PTPN13: variants seen among roughly 807,000 people sequenced by gnomAD.
PTPN13 encodes protein tyrosine phosphatase non-receptor type 13.
PTPN13 carries 191 observed loss-of-function variants against 284.0 expected under a neutral mutation model. The observed-to-expected ratio is 0.67, with a 90% CI of 0.60 to 0.76. The LOEUF (loss-of-function observed/expected upper bound fraction) is 0.76, where lower values mean the gene tolerates loss of function less well. PTPN13 is among the 30% of genes least tolerant of loss of function. The probability of loss-of-function intolerance (pLI) is 0.00; values close to 1 mark genes in which losing one functional copy is unlikely to be tolerated. For synonymous variants in PTPN13, 986 were observed against 1,022.3 expected (o/e 0.96, Z 0.68); for missense variants, 2,797 against 2,939.9 (o/e 0.95, Z 1.12).
chr4:86,765,298 A>G lies in PTPN13; in HGVS notation c.4150-97A>G, dbSNP rs368694639. 1.0e-4 allele frequency: 83 copies of G among 810,518 alleles called. No homozygotes were observed. The Middle Eastern group carries it at 1.1e-3, about 11-fold the overall frequency. The allele number at this position is 810,518 out of a possible 1,614,324, so 50.2% of individuals were successfully genotyped here. ...CATCAGCACATGCTGATGGGATGTC[A>G]CTGCTTTGGCTAATGAATCCTTTCT... On this transcript the variant is annotated intron_variant, in intron 25 of 47. Coordinates refer to ENST00000411767, the MANE Select transcript of PTPN13 (RefSeq NM_080683.3).
rs929570257 is a variant in PTPN13 at position 86,774,312 on chromosome 4, T to C, written c.5350-61T>C. 112 of 1,452,880 alleles carry C rather than the reference T, an allele frequency of 7.7e-5. 1 individual carries two copies. Among genetic ancestry groups the C allele is most frequent in the South Asian group, 1.2e-4 (9 of 75,864 alleles). 90.0% of individuals were successfully genotyped at this position (1,452,880 alleles called of 1,614,324 possible). A position where few individuals can be genotyped will look rare whatever the true frequency, so the allele number is the denominator to read the frequency against. On this transcript the variant is annotated intron_variant, in intron 32 of 47. Transcript: ENST00000411767. ...TCTGTTAAGGGAAATGATAGTCATC[T>C]TTCTGTTTGTCTATAGTGCAGAATA...
Position 86,769,935 on chromosome 4 carries a change from T to C in PTPN13, c.4656T>C (p.Asp1552=), listed in dbSNP as rs754504910. The C allele has an allele frequency of 6.2e-7, 1 of 1,613,940 alleles. No individual in the cohort carries two copies. Among genetic ancestry groups the C allele is most frequent in the Non-Finnish European group, 8.5e-7 (1 of 1,179,866 alleles). ...AAAGTGGAAAAATTGATGTAGGAGA[T>C]GTTATCTTGAAAGTGAATGGAGCCT... The part of the protein sequence containing the change: ...AAESGKIDVG[D]VILKVNGASL... Residue 1552 remains aspartate (D), a synonymous_variant, in exon 29 of 48, where the codon GAT becomes GAC. Coordinates refer to ENST00000411767, the MANE Select transcript of PTPN13 (RefSeq NM_080683.3).
At chr4:86,725,852 G>A (rs539279898) in intron 10 of PTPN13, among the ~76,000 whole-genome samples, 6 of 149,638 alleles carry the variant, frequency 4.0e-5, no homozygotes, top group South Asian at 2.1e-4. Context: ...TTTGGCTTTC[G>A]TTGCCATTGC....
At chr4:86,680,347 C>CCCTATCTA (rs1554306603) in intron 3 of PTPN13, among the ~76,000 whole-genome samples, 1 of 142,550 alleles carries the variant, frequency 7.0e-6, no homozygotes, top group Non-Finnish European at 1.5e-5. Context: ...TTCTATCTAT[C>CCCTATCTA]TCTATCTATC....
intron 1 of PTPN13, among the ~76,000 whole-genome samples, chr4:86,603,974 C>T (rs2149166578): frequency 6.6e-6 from 1 of 151,996 alleles, no homozygotes; most frequent in South Asian, 2.1e-4. Flanking sequence ...CAATATTTGA[C>T]CCACTATTGA....
At chr4:86,655,941 CT>C (rs775933237) in intron 2 of PTPN13, among the ~76,000 whole-genome samples, 22 of 152,138 alleles carry the variant, frequency 1.4e-4, no homozygotes, top group East Asian at 9.6e-4. Flanking sequence ...TTGTTAGTTT[CT>C]TTTTACTCTT....
chr4:86,595,527 T>C (rs575547121), intron 1 of PTPN13, among the ~76,000 whole-genome samples: 1 of 152,056 alleles, frequency 6.6e-6, no homozygotes, highest in Non-Finnish European at 1.5e-5. Context: ...GGGAGAAATA[T>C]CACTAAGAGA....
intron 2 of PTPN13, among the ~76,000 whole-genome samples, chr4:86,656,340 T>A (rs1725805600): frequency 6.6e-6 from 1 of 152,222 alleles, no homozygotes; most frequent in Admixed American, 6.5e-5. Flanking sequence ...ATTTTCAGCT[T>A]TTCTGCTTTG....
rs772032933 is a variant in PTPN13, at chr4:86,762,871, T to C, written c.3698T>C (p.Phe1233Ser). 6 of 1,613,906 alleles carry C rather than the reference T, an allele frequency of 3.7e-6. No individual in the cohort carries two copies. Among genetic ancestry groups the C allele is most frequent in the Non-Finnish European group, 5.1e-6 (6 of 1,179,854 alleles). ...CTGAGGCACATCTCGGAGAACTCCT[T>C]TGGGCCATCTGGGGGCCTGCGGGAA... ...GTLRHISENS[F>S]GPSGGLREGS... The change falls in exon 24 of 48, where the codon TTT becomes TCT. Residue 1233 changes from phenylalanine (F) to serine (S), a missense_variant. Transcript: ENST00000411767.
intron 45 of PTPN13, 91 bp from the exon 46 acceptor site, chr4:86,809,678 G>C (rs9991627): frequency 8.2e-7 from 1 of 1,219,244 alleles, no homozygotes. Flanking sequence ...ACAACAGAAC[G>C]AGACCCTATC....
At chr4:86,668,157 A>G (rs1727300991) in intron 2 of PTPN13, among the ~76,000 whole-genome samples, 1 of 152,178 alleles carries the variant, frequency 6.6e-6, no homozygotes, top group Non-Finnish European at 1.5e-5. Flanking sequence ...TACTGGAATC[A>G]ATTCATATCA....
At chr4:86,785,389 A>G in intron 39 of PTPN13, 21 bp downstream of exon 39, 1 of 1,603,640 alleles carries the variant, frequency 6.2e-7, no homozygotes, top group Non-Finnish European at 8.5e-7. Flanking sequence ...CAGATGAATA[A>G]ATTGGTATAC....
At position 86,750,871 on chromosome 4, in the gene PTPN13, G is replaced by A. The variant is rs765530843; in HGVS notation, c.3052G>A (p.Val1018Met). Reference sequence around the variant, plus strand: ...ATCTGATGCAGAATCTTTGGCAGGAGTGACAAAACTTAATAAGTAAGAACA... The same window carrying A: ...ATCTGATGCAGAATCTTTGGCAGGAATGACAAAACTTAATAAGTAAGAACA... ...SRSDAESLAG[V>M]TKLNNSKSVA... Residue 1018 changes from valine (V) to methionine (M), a missense_variant, in exon 18 of 48, where the codon GTG becomes ATG. Val to Met is a conservative substitution (Grantham distance 21, BLOSUM62 1). Transcript: ENST00000411767. The A allele has an allele frequency of 1.2e-6, 2 of 1,613,308 alleles. No individual in the cohort carries two copies. Among genetic ancestry groups the A allele is most frequent in the Non-Finnish European group, 1.7e-6 (2 of 1,179,640 alleles).
At chr4:86,666,933 A>G (rs975855493) in intron 2 of PTPN13, among the ~76,000 whole-genome samples, 15 of 152,272 alleles carry the variant, frequency 9.9e-5, no homozygotes, top group African/African-American at 3.1e-4. Flanking sequence ...ACCTTTTCCT[A>G]TTGGCACAGC....
At chr4:86,601,605 T>G (rs989587799) in intron 1 of PTPN13, among the ~76,000 whole-genome samples, 5 of 152,152 alleles carry the variant, frequency 3.3e-5, no homozygotes, top group Admixed American at 1.3e-4. Context: ...AAGACCAAAT[T>G]GAGCTCTGTT....
chr4:86,793,153 G>A (rs1296805583), intron 40 of PTPN13, among the ~76,000 whole-genome samples: 3 of 152,138 alleles, frequency 2.0e-5, no homozygotes, highest in Admixed American at 1.3e-4. Context: ...AAAATAAAGG[G>A]ATGGGGGAAG....
intron 2 of PTPN13, among the ~76,000 whole-genome samples, chr4:86,654,736 TTCTGTTGATGTC>T (rs1370031676): frequency 6.6e-6 from 1 of 152,158 alleles, no homozygotes; most frequent in Non-Finnish European, 1.5e-5. Flanking sequence ...GGGTGGAGAG[TTCTGTTGATGTC>T]TATTAGGTCT....
At chr4:86,725,200 C>G (rs1011514525) in intron 10 of PTPN13, among the ~76,000 whole-genome samples, 1 of 150,662 alleles carries the variant, frequency 6.6e-6, no homozygotes, top group Non-Finnish European at 1.5e-5. Flanking sequence ...GCCACATTTT[C>G]TTTATTCAGT....
intron 46 of PTPN13, among the ~76,000 whole-genome samples, chr4:86,810,653 T>C (rs1050123923): frequency 6.6e-6 from 1 of 152,206 alleles, no homozygotes; most frequent in Non-Finnish European, 1.5e-5. Context: ...TTTTCCCTCA[T>C]TTCCAACTGT....
Sources: allele counts gnomAD v4.1 joint callset (sites outside exome capture counted in the v4.1 genomes callset), GRCh38; gene constraint gnomAD v4.1.1; transcripts MANE v1.5; gene names NCBI Gene and HGNC (gene_info 2026-07-23, HGNC 2026-07-21).